The following BICC1 variants were observed in gnomAD, a reference collection of about 807,000 sequenced individuals.
BICC1 encodes the protein BicC family RNA binding protein 1.
A neutral mutation model predicts 111.0 loss-of-function variants in BICC1; 43 were observed. The observed-to-expected ratio is 0.39, with a 90% CI of 0.30 to 0.50. BICC1 has a LOEUF of 0.50. BICC1 is among the 20% of genes least tolerant of loss of function. The probability of loss-of-function intolerance (pLI) is 0.88; values close to 1 mark genes in which losing one functional copy is unlikely to be tolerated. For synonymous variants in BICC1, 467 were observed against 434.4 expected, an observed-to-expected ratio of 1.07 and a Z score of -0.93; for missense variants, 1,091 against 1,203.2, an observed-to-expected ratio of 0.91 and a Z score of 1.38.
At chr10:58,725,226 A>G (rs961138603) in intron 3 of BICC1, among the ~76,000 whole-genome samples, 1 of 152,208 alleles carries the variant, frequency 6.6e-6, no homozygotes, top group Non-Finnish European at 1.5e-5. Flanking sequence ...CGATCATGCA[A>G]GACATGTACA....
intron 1 of BICC1, among the ~76,000 whole-genome samples, chr10:58,516,187 A>T (rs995801007): frequency 3.9e-5 from 6 of 152,302 alleles, no homozygotes; most frequent in Middle Eastern, 3.4e-3. Context: ...TTTCCAATTT[A>T]AATCAGGATA....
chr10:58,629,659 T>G lies in BICC1; in HGVS notation c.237+8758T>G, dbSNP rs559336966. Among the ~76,000 whole-genome samples, 10 of 152,340 alleles carry G rather than the reference T, an allele frequency of 6.6e-5. No individual in the cohort carries two copies. In the East Asian group the frequency reaches 1.9e-3, roughly 29 times the overall value. ...CACACTAAGGTTTATCATTTTGAAG[T>G]TTGTACCTTTGGTACCTTACTTTTT... On this transcript the variant is annotated intron_variant, in intron 2 of 20. Coordinates refer to ENST00000373886, the MANE Select transcript of BICC1 (RefSeq NM_001080512.3).
intron 9 of BICC1, 78 bp downstream of exon 9, chr10:58,793,693 A>C: frequency 6.9e-7 from 1 of 1,459,764 alleles, no homozygotes. Flanking sequence ...AGAAGTATTT[A>C]TTTGCATATA....
chr10:58,766,305 T>C (rs768888550), intron 3 of BICC1, among the ~76,000 whole-genome samples: 3 of 152,168 alleles, frequency 2.0e-5, no homozygotes, highest in Non-Finnish European at 4.4e-5. Flanking sequence ...GCAGGGATAC[T>C]GACTGGCAAA....
rs1372799270 is a variant in BICC1, at chr10:58,513,031, G to C, written c.-113G>C. The C allele has an allele frequency of 1.8e-5, 14 of 773,870 alleles. No individual in the cohort carries two copies. In the Admixed American group the frequency reaches 6.3e-4, roughly 35 times the overall value. 47.9% of individuals were successfully genotyped at this position (773,870 alleles called of 1,614,324 possible). A position where few individuals can be genotyped will look rare whatever the true frequency, so the allele number is the denominator to read the frequency against. On this transcript the variant is annotated 5_prime_UTR_variant, in exon 1 of 21. Coordinates refer to ENST00000373886, the MANE Select transcript of BICC1 (RefSeq NM_001080512.3). ...TGGCGGTGGCGTCGGCGGCTGCAGG[G>C]GGACGAGCTAGCGCCGCGGCGCTGG... is the stretch of plus-strand genomic sequence containing the variant.
chr10:58,663,599 C>T lies in BICC1; in HGVS notation c.238-38475C>T, dbSNP rs373373827. On this transcript the variant is annotated intron_variant, in intron 2 of 20. Transcript: ENST00000373886. ...CCCCTTCCTGTCAGATCAGCGGCAG[C>T]ATTAGATTCTCATAGGAGCATGAAC... is the stretch of plus-strand genomic sequence containing the variant. Among the ~76,000 whole-genome samples the T allele has an allele frequency of 7.9e-5, 12 of 152,164 alleles. No individual in the cohort carries two copies. The East Asian group carries it at 1.5e-3, about 20-fold the overall frequency.
At chr10:58,533,509 A>G (rs144414032) in intron 1 of BICC1, among the ~76,000 whole-genome samples, 133 of 151,916 alleles carry the variant, frequency 8.8e-4, no homozygotes, top group African/African-American at 3.0e-3. Flanking sequence ...TCAATTTTCC[A>G]TGAAAGTTTT....
chr10:58,658,999 T>A (rs1381815722), intron 2 of BICC1, among the ~76,000 whole-genome samples: 2 of 151,726 alleles, frequency 1.3e-5, no homozygotes, highest in African/African-American at 4.8e-5. Flanking sequence ...AATGTGTGTA[T>A]GTATACACGT....
In BICC1 at chr10:58,757,982, C is replaced by T. The variant is rs76949409; in HGVS notation, c.308-27019C>T. On this transcript the variant is annotated intron_variant, in intron 3 of 20. Coordinates refer to ENST00000373886, the MANE Select transcript of BICC1 (RefSeq NM_001080512.3). ...AACAACCCATAGGAAGCAACCTTAG[C>T]AGTGGTGCTTGGTTTCCTAAGCCAT... 5.2e-3 allele frequency among the ~76,000 whole-genome samples: 796 copies of T among 152,306 alleles called. 9 individuals are homozygous for T. The highest frequency in any genetic ancestry group is 0.018 in the African/African-American group (753 of 41,574).
At chr10:58,603,792 G>A (rs1411596114) in intron 1 of BICC1, among the ~76,000 whole-genome samples, 1 of 152,088 alleles carries the variant, frequency 6.6e-6, no homozygotes, top group East Asian at 1.9e-4. Context: ...TCAGGAGTGG[G>A]AGGCCAATAA....
At chr10:58,640,274 A>C (rs1180179523) in intron 2 of BICC1, among the ~76,000 whole-genome samples, 1 of 152,136 alleles carries the variant, frequency 6.6e-6, no homozygotes, top group Non-Finnish European at 1.5e-5. Context: ...TTTATTTGCT[A>C]TTTGGATATA....
intron 3 of BICC1, among the ~76,000 whole-genome samples, chr10:58,734,787 AT>A (rs1295009004): frequency 6.6e-6 from 1 of 152,202 alleles, no homozygotes; most frequent in East Asian, 1.9e-4. Context: ...CTTTTGGCAT[AT>A]CAAGAAATTG....
chr10:58,820,083 C>T (rs1350970865), intron 19 of BICC1, among the ~76,000 whole-genome samples: 1 of 152,128 alleles, frequency 6.6e-6, no homozygotes, highest in Non-Finnish European at 1.5e-5. Flanking sequence ...CTTCTCTGAA[C>T]AGATAATGCT....
In BICC1 at chr10:58,715,331, A is replaced by G. The variant is rs12412894; in HGVS notation, c.307+13188A>G. Among the ~76,000 whole-genome samples the G allele has an allele frequency of 2.2e-3, 338 of 152,330 alleles. 2 individuals carry two copies. Among genetic ancestry groups the G allele is most frequent in the Admixed American group, 0.021 (323 of 15,298 alleles). Reference sequence around the variant, plus strand: ...AATAAAAATAAAATGAGAACACAGCATATGCGTGTTTTTGGCTCTGTGATC... The same window carrying G: ...AATAAAAATAAAATGAGAACACAGCGTATGCGTGTTTTTGGCTCTGTGATC... On this transcript the variant is annotated intron_variant, in intron 3 of 20. Coordinates refer to ENST00000373886, the MANE Select transcript of BICC1 (RefSeq NM_001080512.3).
intron 1 of BICC1, among the ~76,000 whole-genome samples, chr10:58,523,170 T>A (rs1842438142): frequency 1.3e-5 from 2 of 151,998 alleles, no homozygotes; most frequent in African/African-American, 2.4e-5. Flanking sequence ...TTCCAATCAA[T>A]AGAAAAAGAG....
chr10:58,533,549 A>AG (rs1170931210), intron 1 of BICC1, among the ~76,000 whole-genome samples: 1 of 151,764 alleles, frequency 6.6e-6, no homozygotes, highest in Non-Finnish European at 1.5e-5. Context: ...AGAGTGCTGA[A>AG]GGAAAAAAAA....
chr10:58,512,490 T>C (rs938910765), upstream of BICC1, among the ~76,000 whole-genome samples: 1 of 152,004 alleles, frequency 6.6e-6, no homozygotes, highest in Non-Finnish European at 1.5e-5. Context: ...GAACTTGGCG[T>C]GTTTGTGTTT....
chr10:58,576,079 C>T lies in BICC1; in HGVS notation c.191-44776C>T, dbSNP rs1468919630. Among the ~76,000 whole-genome samples the T allele has an allele frequency of 3.9e-5, 6 of 152,162 alleles. No individual in the cohort carries two copies. In the East Asian group the frequency reaches 7.8e-4, roughly 20 times the overall value. ...ATTAAATGTCACATCTTTGAAGAGCCGAGTGGATTTGGCAGAGTGTCACCT... is the reference window on the plus strand; with the variant it reads ...ATTAAATGTCACATCTTTGAAGAGCTGAGTGGATTTGGCAGAGTGTCACCT... On this transcript the variant is annotated intron_variant, in intron 1 of 20. Coordinates refer to ENST00000373886, the MANE Select transcript of BICC1 (RefSeq NM_001080512.3).
chr10:58,711,160 T>C (rs1840560322), intron 3 of BICC1, among the ~76,000 whole-genome samples: 1 of 152,192 alleles, frequency 6.6e-6, no homozygotes, highest in Non-Finnish European at 1.5e-5. Flanking sequence ...TATTTTGTAC[T>C]TAAAACTTTT....
Sources: allele counts gnomAD v4.1 joint callset (sites outside exome capture counted in the v4.1 genomes callset), GRCh38; gene constraint gnomAD v4.1.1; transcripts MANE v1.5; gene names NCBI Gene and HGNC (gene_info 2026-07-23, HGNC 2026-07-21).